UNC5C: variants seen among roughly 807,000 people sequenced by gnomAD.
UNC5C encodes netrin receptor UNC5C.
In UNC5C, 47 loss-of-function variants were observed where a neutral mutation model predicts 99.8. The ratio of observed to expected loss-of-function variants is 0.47; its 90% CI spans 0.37 to 0.60. The LOEUF is 0.60. Among genes scored for constraint, UNC5C ranks in the 20% least tolerant of loss-of-function variants. UNC5C has a pLI of 0.00. For synonymous variants in UNC5C, 487 were observed against 452.2 expected (o/e 1.08, Z -0.98); for missense variants, 1,062 against 1,165.9 (o/e 0.91, Z 1.30).
intron 2 of UNC5C, among the ~76,000 whole-genome samples, chr4:95,328,519 T>C (rs1174169905): frequency 2.3e-4 from 32 of 141,594 alleles, no homozygotes; most frequent in African/African-American, 7.9e-4. Context: ...AATGCCTCAA[T>C]AAACATACGT....
intron 14 of UNC5C, among the ~76,000 whole-genome samples, chr4:95,174,249 T>G (rs961583320): frequency 3.3e-5 from 5 of 152,140 alleles, no homozygotes; most frequent in African/African-American, 1.2e-4. Flanking sequence ...CCTTCAGTTC[T>G]GCTCTGATTT....
chr4:95,449,437 A>G (rs1417020201), intron 1 of UNC5C, among the ~76,000 whole-genome samples: 1 of 152,198 alleles, frequency 6.6e-6, no homozygotes, highest in Non-Finnish European at 1.5e-5. Flanking sequence ...GTTATAATGA[A>G]TATTGACTTC....
intron 1 of UNC5C, among the ~76,000 whole-genome samples, chr4:95,349,276 C>G (rs1383362499): frequency 6.8e-6 from 1 of 147,980 alleles, no homozygotes; most frequent in Non-Finnish European, 1.5e-5. Flanking sequence ...ACAAAAATTA[C>G]AAATTTTTAA....
chr4:95,186,391 CA>C (rs1736831312), intron 12 of UNC5C, among the ~76,000 whole-genome samples: 1 of 152,160 alleles, frequency 6.6e-6, no homozygotes, highest in Non-Finnish European at 1.5e-5. Flanking sequence ...TGGAGGATTT[CA>C]GGCATGGGAA....
chr4:95,547,800 T>C (rs1208899660), intron 1 of UNC5C, among the ~76,000 whole-genome samples: 2 of 152,110 alleles, frequency 1.3e-5, no homozygotes, highest in Non-Finnish European at 2.9e-5. Context: ...CTGCTAACAC[T>C]TCAAACTAGG....
At chr4:95,391,741 C>T (rs910845599) in intron 1 of UNC5C, among the ~76,000 whole-genome samples, 6 of 140,142 alleles carry the variant, frequency 4.3e-5, no homozygotes, top group African/African-American at 1.6e-4. Context: ...ATAAAGTGAG[C>T]TTTGTCCTTT....
rs1265988130 is a variant in UNC5C, at chr4:95,537,917, ATCACT to A, written c.124+10812_124+10816del. Among the ~76,000 whole-genome samples the A allele has an allele frequency of 4.2e-4, 64 of 152,284 alleles. 1 individual carries two copies. The highest frequency in any genetic ancestry group is 1.9e-4 in the East Asian group (1 of 5,182). On this transcript the variant is annotated intron_variant, in intron 1 of 15. Transcript: ENST00000453304. ...AGACACTCAGCTAAAAGTAAAAAAAATCACTTCACTTTAAATAAATTTCTCAAAGT... is the reference window on the plus strand; with the variant it reads ...AGACACTCAGCTAAAAGTAAAAAAAATCACTTTAAATAAATTTCTCAAAGT...
At chr4:95,251,943 T>C (rs1413290357) in intron 4 of UNC5C, among the ~76,000 whole-genome samples, 1 of 152,218 alleles carries the variant, frequency 6.6e-6, no homozygotes, top group Admixed American at 6.5e-5. Flanking sequence ...GTAGAGAAAC[T>C]ATTTGTAATG....
At position 95,206,768 on chromosome 4, in the gene UNC5C, A is replaced by G; in HGVS notation, c.1762T>C (p.Leu588=). Residue 588 remains leucine, a synonymous_variant, in exon 11 of 16, where the codon TTG becomes CTG. Transcript: ENST00000453304. The part of the protein sequence containing the change: ...RPPMDDSQTL[L]TPVVSCGPPG... Reference sequence around the variant, plus strand: ...GGCCCACAGCTCACCACAGGGGTCAAAAGTGTCTGAGAGTCATCCATGGGT... The same window carrying G: ...GGCCCACAGCTCACCACAGGGGTCAGAAGTGTCTGAGAGTCATCCATGGGT... 6.2e-7 allele frequency: 1 copy of G among 1,611,428 alleles called. No individual in the cohort carries two copies. The highest frequency in any genetic ancestry group is 1.1e-5 in the South Asian group (1 of 90,640).
At chr4:95,451,597 G>T (rs1747280152) in intron 1 of UNC5C, among the ~76,000 whole-genome samples, 1 of 152,114 alleles carries the variant, frequency 6.6e-6, no homozygotes, top group African/African-American at 2.4e-5. Context: ...ATTTCAAGTT[G>T]TTTAATCTTT....
intron 1 of UNC5C, among the ~76,000 whole-genome samples, chr4:95,342,162 G>A (rs1460870370): frequency 1.3e-5 from 2 of 152,140 alleles, no homozygotes; most frequent in African/African-American, 4.8e-5. Flanking sequence ...ATGCTACCTA[G>A]TGAGATACCA....
chr4:95,170,862 A>G (rs777292457), intron 14 of UNC5C, among the ~76,000 whole-genome samples: 3 of 152,260 alleles, frequency 2.0e-5, no homozygotes, highest in Non-Finnish European at 4.4e-5. Flanking sequence ...ATGAACTGGA[A>G]CATAGCTCTC....
At chr4:95,499,529 CT>C (rs1374933284) in intron 1 of UNC5C, among the ~76,000 whole-genome samples, 1 of 152,086 alleles carries the variant, frequency 6.6e-6, no homozygotes, top group Non-Finnish European at 1.5e-5. Context: ...CTCCCATGCA[CT>C]TTTCATGCAA....
intron 1 of UNC5C, among the ~76,000 whole-genome samples, chr4:95,462,354 ATACT>A (rs1321747982): frequency 1.3e-5 from 2 of 152,214 alleles, no homozygotes; most frequent in Non-Finnish European, 2.9e-5. Flanking sequence ...AATTCAAGAA[ATACT>A]TACTGAGTGG....
intron 1 of UNC5C, among the ~76,000 whole-genome samples, chr4:95,397,053 G>A (rs928239002): frequency 2.0e-5 from 3 of 152,090 alleles, no homozygotes; most frequent in African/African-American, 7.2e-5. Flanking sequence ...GCCAGAGAAG[G>A]GGCAGGGAAA....
intron 1 of UNC5C, among the ~76,000 whole-genome samples, chr4:95,373,281 A>G (rs1744799591): frequency 6.6e-6 from 1 of 152,112 alleles, no homozygotes; most frequent in Admixed American, 6.6e-5. Context: ...AATGCCCTAC[A>G]TCTATATGAG....
chr4:95,407,052 A>C (rs1293679391), intron 1 of UNC5C, among the ~76,000 whole-genome samples: 1 of 152,172 alleles, frequency 6.6e-6, no homozygotes, highest in Non-Finnish European at 1.5e-5. Context: ...GAAATCCCCA[A>C]TTCCAGTGAA....
chr4:95,389,707 C>G (rs1401283528), intron 1 of UNC5C, among the ~76,000 whole-genome samples: 2 of 151,556 alleles, frequency 1.3e-5, no homozygotes, highest in East Asian at 3.9e-4. Flanking sequence ...AAATACAGAT[C>G]ATGTATTTCT....
intron 14 of UNC5C, among the ~76,000 whole-genome samples, chr4:95,176,865 C>T (rs1247597265): frequency 6.6e-6 from 1 of 152,240 alleles, no homozygotes; most frequent in Non-Finnish European, 1.5e-5. Context: ...GCAGTTTGAT[C>T]TCAGACTGCT....
Sources: allele counts gnomAD v4.1 joint callset (sites outside exome capture counted in the v4.1 genomes callset), GRCh38; gene constraint gnomAD v4.1.1; transcripts MANE v1.5; gene names NCBI Gene and HGNC (gene_info 2026-07-23, HGNC 2026-07-21).